The following ZNF654 variants were observed in gnomAD, a reference collection of about 807,000 sequenced individuals.
ZNF654 encodes melanoma-associated antigen.
In ZNF654, 19 loss-of-function variants were observed where a neutral mutation model predicts 95.3. The ratio of observed to expected loss-of-function variants is 0.20; its 90% CI spans 0.14 to 0.29. The LOEUF (loss-of-function observed/expected upper bound fraction) is 0.29. Among genes scored for constraint, ZNF654 ranks in the 10% least tolerant of loss-of-function variants. The probability of loss-of-function intolerance (pLI) is 1.00; values close to 1 mark genes in which losing one functional copy is unlikely to be tolerated. For missense variants in ZNF654, 1,046 were observed against 1,341.0 expected (o/e 0.78, Z 3.44); for synonymous variants, 413 against 457.9 (o/e 0.90, Z 1.25).
At chr3:88,087,723 CAT>C (rs1454984817) in intron 2 of ZNF654, among the ~76,000 whole-genome samples, 3 of 152,102 alleles carry the variant, frequency 2.0e-5, no homozygotes, top group Admixed American at 2.0e-4. Flanking sequence ...GAGTATGTCT[CAT>C]AGGATAAGTA....
chr3:88,120,914 G>A (rs534809086), intron 3 of ZNF654, among the ~76,000 whole-genome samples: 2 of 152,126 alleles, frequency 1.3e-5, no homozygotes, highest in South Asian at 4.2e-4. Context: ...TTGATGTTTG[G>A]TCATAAGTTG....
intron 3 of ZNF654, among the ~76,000 whole-genome samples, chr3:88,121,158 T>C (rs1322419143): frequency 6.6e-6 from 1 of 152,140 alleles, no homozygotes; most frequent in Admixed American, 6.5e-5. Context: ...TTTTCCTTTC[T>C]GAATCATGAT....
chr3:88,128,191 G>A (rs946953624), intron 4 of ZNF654, among the ~76,000 whole-genome samples: 3 of 151,780 alleles, frequency 2.0e-5, no homozygotes, highest in Admixed American at 2.0e-4. Context: ...TTTAGCTAAT[G>A]GTGTTTATAT....
intron 3 of ZNF654, among the ~76,000 whole-genome samples, chr3:88,114,107 G>A (rs1705252031): frequency 6.6e-6 from 1 of 152,104 alleles, no homozygotes; most frequent in African/African-American, 2.4e-5. Flanking sequence ...ACAGTAGTAA[G>A]CAAAACAGAA....
At chr3:88,115,525 CAAGTCTT>C (rs1705337878) in intron 3 of ZNF654, among the ~76,000 whole-genome samples, 1 of 152,164 alleles carries the variant, frequency 6.6e-6, no homozygotes, top group African/African-American at 2.4e-5. Context: ...TATGGGTTCT[CAAGTCTT>C]ACTACTTGGA....
rs750258005 is a variant in ZNF654, at chr3:88,139,853, T to C, written c.2184T>C (p.Asn728=). The change falls in exon 8 of 9, where the codon AAT becomes AAC. Residue 728 remains asparagine, a synonymous_variant. Coordinates refer to ENST00000636215, the MANE Select transcript of ZNF654 (RefSeq NM_001350134.2). ...NQETSVIHKI[N]GTVCHPKDIY... ...AAACTTCAGTAATTCATAAAATCAA[T>C]GGAACTGTGTGCCATCCAAAAGACA... 1 of 1,594,494 alleles carries C rather than the reference T, an allele frequency of 6.3e-7. No homozygotes were observed. Among genetic ancestry groups the C allele is most frequent in the Admixed American group, 1.8e-5 (1 of 56,310 alleles).
At chr3:88,063,607 G>T (rs1311725555) in intron 1 of ZNF654, among the ~76,000 whole-genome samples, 1 of 151,762 alleles carries the variant, frequency 6.6e-6, no homozygotes, top group Non-Finnish European at 1.5e-5. Flanking sequence ...CTATTAATTG[G>T]GATTATTTTT....
chr3:88,121,835 G>A (rs1430626288), intron 3 of ZNF654, among the ~76,000 whole-genome samples: 2 of 152,140 alleles, frequency 1.3e-5, no homozygotes, highest in Non-Finnish European at 2.9e-5. Context: ...GAGTGAATTG[G>A]ATAGGTGGTG....
intron 1 of ZNF654, among the ~76,000 whole-genome samples, chr3:88,071,376 G>GGCTC (rs1707500398): frequency 6.6e-6 from 1 of 152,140 alleles, no homozygotes; most frequent in Non-Finnish European, 1.5e-5. Context: ...CGGGTGCAGT[G>GGCTC]GCTCACTCCT....
chr3:88,117,576 G>A (rs1457396733), intron 3 of ZNF654, among the ~76,000 whole-genome samples: 1 of 151,746 alleles, frequency 6.6e-6, no homozygotes, highest in African/African-American at 2.4e-5. Context: ...TTACAAATGG[G>A]GTCATTACAG....
chr3:88,082,837 C>T (rs2107650866), intron 1 of ZNF654, among the ~76,000 whole-genome samples: 1 of 152,272 alleles, frequency 6.6e-6, no homozygotes, highest in South Asian at 2.1e-4. Flanking sequence ...GCTTAAACAA[C>T]AGAAATTTAT....
Position 88,140,214 on chromosome 3 carries a change from C to G in ZNF654, c.2545C>G (p.Pro849Ala), listed in dbSNP as rs1707035528. 1.9e-6 allele frequency: 3 copies of G among 1,612,042 alleles called. No homozygotes were observed. In the East Asian group the frequency reaches 6.7e-5, roughly 36 times the overall value. ...GATATTTCAGGCTCAGTGTAGTTTT[C>G]CAGAATGCCATGAGCTTTTTGAAGA... is the stretch of plus-strand genomic sequence containing the variant. ...HRIFQAQCSFPECHELFEDLP... is the reference protein window; with the variant it reads ...HRIFQAQCSFAECHELFEDLP... The change falls in exon 8 of 9, where the codon CCA becomes GCA. Residue 849 changes from proline to alanine, a missense_variant. By Grantham distance (27) the Pro-to-Ala change is conservative. Coordinates refer to ENST00000636215, the MANE Select transcript of ZNF654 (RefSeq NM_001350134.2).
chr3:88,135,465 C>G, intron 7 of ZNF654: 1 of 238,852 alleles, frequency 4.2e-6, no homozygotes, highest in South Asian at 1.6e-4. Flanking sequence ...TTGTTACTTT[C>G]AATATTATCC....
chr3:88,064,368 A>ATACCCCGTTTTTG (rs1211250193), intron 1 of ZNF654, among the ~76,000 whole-genome samples: 3 of 152,112 alleles, frequency 2.0e-5, no homozygotes, highest in African/African-American at 7.2e-5. Flanking sequence ...CACTTTGATT[A>ATACCCCGTTTTTG]TACCCCGTTT....
At chr3:88,087,825 G>T (rs1708416590) in intron 2 of ZNF654, among the ~76,000 whole-genome samples, 2 of 152,170 alleles carry the variant, frequency 1.3e-5, no homozygotes, top group Non-Finnish European at 2.9e-5. Context: ...TTACGGACAG[G>T]TTGGGGTGGG....
intron 5 of ZNF654, 77 bp downstream of exon 5, chr3:88,129,088 T>A (rs1342989391): frequency 7.5e-6 from 8 of 1,068,140 alleles, no homozygotes; most frequent in Non-Finnish European, 9.2e-6. Flanking sequence ...AGTAGCCCAC[T>A]GTTGTTGTTA....
At chr3:88,112,005 C>T (rs1705118734) in intron 2 of ZNF654, among the ~76,000 whole-genome samples, 1 of 151,786 alleles carries the variant, frequency 6.6e-6, no homozygotes, top group Non-Finnish European at 1.5e-5. Flanking sequence ...ACTTTTTTAA[C>T]CTAACTTCTA....
chr3:88,066,600 A>T lies in ZNF654; in HGVS notation c.186+7095A>T, dbSNP rs1227953520. On this transcript the variant is annotated intron_variant, in intron 1 of 8. Transcript: ENST00000636215. Reference sequence around the variant, plus strand: ...CAAACAAAAAAAACAAAAAAACCTCAATTTTAATTTTGTAGATAAAATGGC... The same window carrying T: ...CAAACAAAAAAAACAAAAAAACCTCTATTTTAATTTTGTAGATAAAATGGC... Among the ~76,000 whole-genome samples the T allele has an allele frequency of 8.5e-5, 13 of 152,072 alleles. 1 individual carries two copies. The South Asian group carries it at 1.2e-3, about 15-fold the overall frequency.
intron 2 of ZNF654, among the ~76,000 whole-genome samples, chr3:88,091,695 T>G (rs1177871287): frequency 6.6e-6 from 1 of 151,932 alleles, no homozygotes; most frequent in Non-Finnish European, 1.5e-5. Flanking sequence ...TGGGGTCGGG[T>G]TTTTCCTGTG....
Sources: allele counts gnomAD v4.1 joint callset (sites outside exome capture counted in the v4.1 genomes callset), GRCh38; gene constraint gnomAD v4.1.1; transcripts MANE v1.5; gene names NCBI Gene and HGNC (gene_info 2026-07-23, HGNC 2026-07-21).